CFAP61: variants seen among roughly 807,000 people sequenced by gnomAD.
CFAP61 encodes the protein cilia- and flagella-associated protein 61.
CFAP61 carries 107 observed loss-of-function variants against 135.6 expected under a neutral mutation model. The observed-to-expected ratio is 0.79, with a 90% CI of 0.67 to 0.93. The LOEUF (loss-of-function observed/expected upper bound fraction) is 0.93. Among genes scored for constraint, CFAP61 ranks in the 40% least tolerant of loss-of-function variants. The probability of loss-of-function intolerance (pLI) is 0.00; values close to 1 mark genes in which losing one functional copy is unlikely to be tolerated. For synonymous variants in CFAP61, 575 were observed against 578.5 expected (o/e 0.99, Z 0.09); for missense variants, 1,507 against 1,556.2 (o/e 0.97, Z 0.53).
chr20:20,062,199 C>T (rs2146544065), intron 2 of CFAP61, among the ~76,000 whole-genome samples: 1 of 152,318 alleles, frequency 6.6e-6, no homozygotes, highest in African/African-American at 2.4e-5. Flanking sequence ...CCCTTTGGGC[C>T]ACCCTCACTG....
chr20:20,303,972 A>G (rs1048171759), intron 25 of CFAP61, among the ~76,000 whole-genome samples: 9 of 152,178 alleles, frequency 5.9e-5, no homozygotes, highest in Non-Finnish European at 1.2e-4. Context: ...TAGCTGTGCC[A>G]ATGGGAACGG....
At chr20:20,087,236 C>G (rs1427206337) in intron 6 of CFAP61, among the ~76,000 whole-genome samples, 2 of 152,132 alleles carry the variant, frequency 1.3e-5, no homozygotes, top group Non-Finnish European at 2.9e-5. Flanking sequence ...GATCCCATCA[C>G]CCAGGTACTG....
At chr20:20,355,334 A>G (rs1282940509) in intron 26 of CFAP61, among the ~76,000 whole-genome samples, 57 of 105,760 alleles carry the variant, frequency 5.4e-4, no homozygotes, top group African/African-American at 2.0e-3. Flanking sequence ...ATGAGCAGAG[A>G]TGGTCACACT....
chr20:20,120,306 G>A (rs931921928), intron 8 of CFAP61, among the ~76,000 whole-genome samples: 1 of 152,098 alleles, frequency 6.6e-6, no homozygotes, highest in African/African-American at 2.4e-5. Context: ...TGCTTTTGCT[G>A]TATCTCATGG....
chr20:20,220,232 G>A (rs575322669), intron 17 of CFAP61: 10 of 152,286 alleles, frequency 6.6e-5, no homozygotes, highest in South Asian at 2.1e-4. Context: ...TAACCAAAGC[G>A]GTTAGGAGAA....
chr20:20,175,314 G>C (rs1410320314), intron 13 of CFAP61, among the ~76,000 whole-genome samples: 1 of 152,166 alleles, frequency 6.6e-6, no homozygotes, highest in African/African-American at 2.4e-5. Context: ...CAGTTCCACT[G>C]CAAGTGTGGT....
intron 2 of CFAP61, among the ~76,000 whole-genome samples, chr20:20,066,725 A>G (rs2045300860): frequency 6.6e-6 from 1 of 152,294 alleles, no homozygotes; most frequent in African/African-American, 2.4e-5. Context: ...CCTAATGTAG[A>G]TGACGGGTTG....
At chr20:20,249,412 A>T (rs1057182137) in intron 19 of CFAP61, among the ~76,000 whole-genome samples, 1 of 152,036 alleles carries the variant, frequency 6.6e-6, no homozygotes, top group African/African-American at 2.4e-5. Flanking sequence ...GGTAGCTTGC[A>T]CCTATGGTCC....
chr20:20,187,791 A>G, intron 13 of CFAP61, 139 bp from the exon 14 acceptor site: 1 of 614,248 alleles, frequency 1.6e-6, no homozygotes, highest in South Asian at 2.7e-5. Flanking sequence ...TTTTATAATT[A>G]CTCAAACCCC....
intron 22 of CFAP61, among the ~76,000 whole-genome samples, chr20:20,280,110 C>T (rs8124454): frequency 5.3e-5 from 8 of 152,036 alleles, no homozygotes; most frequent in Admixed American, 2.6e-4. Flanking sequence ...AAGCCTTTGT[C>T]GATGTAAGCA....
intron 25 of CFAP61, among the ~76,000 whole-genome samples, chr20:20,331,733 G>T (rs2058006716): frequency 6.6e-6 from 1 of 152,048 alleles, no homozygotes; most frequent in Non-Finnish European, 1.5e-5. Flanking sequence ...ACTCGTGGGG[G>T]TTTATATGTG....
intron 18 of CFAP61, among the ~76,000 whole-genome samples, chr20:20,233,797 T>A (rs551842371): frequency 1.3e-5 from 2 of 152,306 alleles, no homozygotes; most frequent in East Asian, 3.9e-4. Flanking sequence ...GTATAACTTA[T>A]CTCCTCATAC....
chr20:20,058,361 G>A (rs2044537644), intron 2 of CFAP61, among the ~76,000 whole-genome samples: 1 of 152,188 alleles, frequency 6.6e-6, no homozygotes, highest in South Asian at 2.1e-4. Flanking sequence ...ACTGTGTAGG[G>A]AACATTATCA....
chr20:20,128,705 C>T (rs895171787), intron 8 of CFAP61, among the ~76,000 whole-genome samples: 3 of 151,652 alleles, frequency 2.0e-5, no homozygotes, highest in Non-Finnish European at 2.9e-5. Flanking sequence ...TCCTGCCTCC[C>T]GTCCGCCATG....
intron 20 of CFAP61, among the ~76,000 whole-genome samples, 165 bp from the exon 21 acceptor site, chr20:20,262,791 C>A (rs2052356159): frequency 7.5e-6 from 1 of 132,932 alleles, no homozygotes; most frequent in Admixed American, 7.6e-5. Context: ...GTGCTCTTTC[C>A]ACCTGTTTTT....
At chr20:20,160,343 T>C (rs1039890370) in intron 10 of CFAP61, among the ~76,000 whole-genome samples, 2 of 152,132 alleles carry the variant, frequency 1.3e-5, no homozygotes, top group Non-Finnish European at 2.9e-5. Flanking sequence ...CACTGAACAC[T>C]AAGCCCAGAC....
At chr20:20,188,235 G>A (rs1257272030) in intron 14 of CFAP61, among the ~76,000 whole-genome samples, 179 bp downstream of exon 14, 1 of 152,218 alleles carries the variant, frequency 6.6e-6, no homozygotes, top group Non-Finnish European at 1.5e-5. Flanking sequence ...TTGAGGAAGT[G>A]AGACCATTCT....
At chr20:20,326,957 G>GT (rs937775658) in intron 25 of CFAP61, among the ~76,000 whole-genome samples, 2 of 151,862 alleles carry the variant, frequency 1.3e-5, no homozygotes, top group East Asian at 1.9e-4. Flanking sequence ...ACTCTGATAG[G>GT]TTTTTTTTCA....
intron 9 of CFAP61, among the ~76,000 whole-genome samples, chr20:20,158,029 G>A (rs2053079079): frequency 6.6e-6 from 1 of 151,244 alleles, no homozygotes; most frequent in South Asian, 2.1e-4. Context: ...CTCATAGGTG[G>A]GAATTGAACA....
Sources: gnomAD v4.1 joint callset for allele counts (sites outside exome capture counted in the v4.1 genomes callset) on GRCh38, gnomAD v4.1.1 for gene constraint, MANE v1.5 for transcripts, NCBI Gene and HGNC (gene_info 2026-07-23, HGNC 2026-07-21) for gene names.